DDI2: variants seen among roughly 807,000 people sequenced by gnomAD.
DDI2 encodes the protein DDI proteasomal shuttling factor 2.
A neutral mutation model predicts 48.1 loss-of-function variants in DDI2; 5 were observed. That is an observed-to-expected ratio of 0.10 (90% confidence interval 0.05 to 0.22). The LOEUF (loss-of-function observed/expected upper bound fraction) is 0.22, where lower values mean the gene tolerates loss of function less well. Among genes scored for constraint, DDI2 ranks in the 10% least tolerant of loss-of-function variants. The probability of loss-of-function intolerance (pLI) is 1.00; values close to 1 mark genes in which losing one functional copy is unlikely to be tolerated. For missense variants in DDI2, 285 were observed against 506.2 expected (o/e 0.56, Z 4.19); for synonymous variants, 205 against 183.6 (o/e 1.12, Z -0.94).
intron 8 of DDI2, 32 bp from the exon 9 acceptor site, chr1:15,656,585 A>T: frequency 6.2e-7 from 1 of 1,614,138 alleles, no homozygotes; most frequent in African/African-American, 1.3e-5. Flanking sequence ...TTGTTAACCC[A>T]AGTTTGCTTG....
intron 4 of DDI2, 107 bp downstream of exon 4, chr1:15,633,672 T>G: frequency 6.5e-7 from 1 of 1,542,788 alleles, no homozygotes; most frequent in Non-Finnish European, 8.8e-7. Flanking sequence ...CTTCTCTGTT[T>G]TGCAGTTGAG....
At chr1:15,631,455 A>C (rs923499982) in intron 3 of DDI2, among the ~76,000 whole-genome samples, 1 of 152,218 alleles carries the variant, frequency 6.6e-6, no homozygotes, top group African/African-American at 2.4e-5. Flanking sequence ...TTCTCTGTAA[A>C]TTACTCTCAT....
chr1:15,621,366 G>T (rs780572317), intron 1 of DDI2, among the ~76,000 whole-genome samples: 4 of 152,106 alleles, frequency 2.6e-5, no homozygotes, highest in Non-Finnish European at 5.9e-5. Flanking sequence ...AGCATGATTT[G>T]TGGTTTGTAA....
chr1:15,634,481 C>T (rs1639896253), intron 4 of DDI2, among the ~76,000 whole-genome samples: 1 of 150,214 alleles, frequency 6.7e-6, no homozygotes, highest in African/African-American at 2.4e-5. Context: ...CATTGTATTA[C>T]ACTATCTATC....
At chr1:15,617,941 C>T in intron 1 of DDI2, 133 bp downstream of exon 1, 2 of 1,302,366 alleles carry the variant, frequency 1.5e-6, no homozygotes, top group South Asian at 1.7e-5. Flanking sequence ...AGGTCACCCC[C>T]GCATCCGGAA....
chr1:15,658,060 T>A (rs894043370), intron 9 of DDI2, among the ~76,000 whole-genome samples: 2 of 152,256 alleles, frequency 1.3e-5, no homozygotes, highest in Non-Finnish European at 2.9e-5. Flanking sequence ...TGTTAACATT[T>A]AGTACTGAGC....
At chr1:15,630,176 C>A in intron 2 of DDI2, 149 bp from the exon 3 acceptor site, 1 of 736,596 alleles carries the variant, frequency 1.4e-6, no homozygotes, top group Non-Finnish European at 2.3e-6. Flanking sequence ...TCTTTATATT[C>A]AGAGTCATCA....
chr1:15,617,627 CCCAGG>C lies in DDI2; in HGVS notation c.-41_-37del, dbSNP rs1639583086. 1 of 1,315,040 alleles carries C rather than the reference CCCAGG, an allele frequency of 7.6e-7. No homozygotes were observed. Among genetic ancestry groups the C allele is most frequent in the South Asian group, 2.2e-5 (1 of 45,916 alleles). 81.5% of individuals were successfully genotyped at this position (1,315,040 alleles called of 1,614,324 possible). A position where few individuals can be genotyped will look rare whatever the true frequency, so the allele number is the denominator to read the frequency against. On this transcript the variant is annotated 5_prime_UTR_variant, in exon 1 of 10. Transcript: ENST00000480945. ...GCCGCCTCTTCCCCTGCGCCCCGCGCCCAGGCCGGGCCGAGCCGAGCCGAGCCGGG... is the reference window on the plus strand; with the variant it reads ...GCCGCCTCTTCCCCTGCGCCCCGCGCCCGGGCCGAGCCGAGCCGAGCCGGG...
intron 8 of DDI2, among the ~76,000 whole-genome samples, chr1:15,655,154 G>A (rs936811037): frequency 6.6e-6 from 1 of 152,048 alleles, no homozygotes; most frequent in African/African-American, 2.4e-5. Context: ...AAAAGAAATG[G>A]CTTTTTACCT....
intron 6 of DDI2, among the ~76,000 whole-genome samples, chr1:15,649,014 G>A (rs1397286863): frequency 6.6e-6 from 1 of 151,698 alleles, no homozygotes; most frequent in Non-Finnish European, 1.5e-5. Context: ...AGGGATGACT[G>A]CCTGAGGCCA....
rs1323002073 is a variant in DDI2, at chr1:15,665,897, C to T, written c.*6107C>T. On this transcript the variant is annotated 3_prime_UTR_variant, in exon 10 of 10. Coordinates refer to ENST00000480945, the MANE Select transcript of DDI2 (RefSeq NM_032341.5). ...GGCAGTGTGTCCCAAGAGAAGCTGA[C>T]CAGATTATGCATTCTACTGTTCTCT... The T allele has an allele frequency of 6.6e-6, 1 of 152,118 alleles. No homozygotes were observed. Among genetic ancestry groups the T allele is most frequent in the Admixed American group, 6.6e-5 (1 of 15,262 alleles). 9.4% of individuals were successfully genotyped at this position (152,118 alleles called of 1,614,324 possible). A position where few individuals can be genotyped will look rare whatever the true frequency, so the allele number is the denominator to read the frequency against.
Position 15,665,993 on chromosome 1 carries a change from C to G in DDI2, c.*6203C>G, listed in dbSNP as rs1478946226. The stretch of plus-strand genomic sequence containing the variant: ...TGACTTAGTGTAGTCTGTGGCTGAC[C>G]TAGAAAGACACAGAGTTATCAAGAG... On this transcript the variant is annotated 3_prime_UTR_variant, in exon 10 of 10. Coordinates refer to ENST00000480945, the MANE Select transcript of DDI2 (RefSeq NM_032341.5). 6.6e-6 allele frequency: 1 copy of G among 152,128 alleles called. No individual in the cohort carries two copies. The highest frequency in any genetic ancestry group is 1.5e-5 in the Non-Finnish European group (1 of 68,022). 9.4% of individuals were successfully genotyped at this position (152,128 alleles called of 1,614,324 possible).
chr1:15,661,258 A>G lies in DDI2; in HGVS notation c.*1468A>G, dbSNP rs1483388951. The stretch of plus-strand genomic sequence containing the variant: ...CGATAAGGAAGGTGTCCCCAAATCT[A>G]GGGAATCCATAAATAAGAACCGTTC... On this transcript the variant is annotated 3_prime_UTR_variant, in exon 10 of 10. Coordinates refer to ENST00000480945, the MANE Select transcript of DDI2 (RefSeq NM_032341.5). The G allele has an allele frequency of 6.2e-7, 1 of 1,614,182 alleles. No homozygotes were observed. The highest frequency in any genetic ancestry group is 2.2e-5 in the East Asian group (1 of 44,876).
intron 1 of DDI2, among the ~76,000 whole-genome samples, chr1:15,622,006 A>G (rs551584522): frequency 6.6e-6 from 1 of 152,296 alleles, no homozygotes; most frequent in South Asian, 2.1e-4. Context: ...GATTAATGGT[A>G]ATACTATTAT....
chr1:15,657,346 T>C (rs1050700947), intron 9 of DDI2, among the ~76,000 whole-genome samples: 3 of 152,254 alleles, frequency 2.0e-5, no homozygotes, highest in African/African-American at 7.2e-5. Context: ...CATAAGACTT[T>C]GTAGGAGTTT....
chr1:15,644,873 G>A (rs561981367), intron 6 of DDI2, among the ~76,000 whole-genome samples: 5 of 150,954 alleles, frequency 3.3e-5, no homozygotes, highest in African/African-American at 9.7e-5. Context: ...GATTACAGGC[G>A]TGAGCCACCG....
chr1:15,658,871 G>A (rs890106327), intron 9 of DDI2, among the ~76,000 whole-genome samples: 6 of 152,108 alleles, frequency 3.9e-5, no homozygotes, highest in Non-Finnish European at 7.3e-5. Flanking sequence ...ACACTGAGCC[G>A]TCTTGTTTGG....
chr1:15,627,599 G>A (rs72871773), intron 2 of DDI2, among the ~76,000 whole-genome samples: 5,550 of 152,268 alleles, frequency 0.036, 337 homozygotes, highest in African/African-American at 0.13. Context: ...TGTGTGCACT[G>A]GATAGAGAGA....
intron 5 of DDI2, among the ~76,000 whole-genome samples, chr1:15,640,303 C>T (rs888182394): frequency 6.6e-6 from 1 of 152,192 alleles, no homozygotes; most frequent in African/African-American, 2.4e-5. Context: ...ATTTCATCCT[C>T]AGAATATCTC....
Sources: allele counts gnomAD v4.1 joint callset (sites outside exome capture counted in the v4.1 genomes callset), GRCh38; gene constraint gnomAD v4.1.1; transcripts MANE v1.5; gene names NCBI Gene and HGNC (gene_info 2026-07-23, HGNC 2026-07-21).